Variants in EIF2AK4 observed in about 807,000 individuals in gnomAD.
EIF2AK4 encodes eIF-2-alpha kinase GCN2.
A neutral mutation model predicts 211.1 loss-of-function variants in EIF2AK4; 139 were observed. The observed-to-expected ratio is 0.66, with a 90% confidence interval of 0.57 to 0.76. The LOEUF is 0.76. EIF2AK4 is among the 30% of genes least tolerant of loss of function. EIF2AK4 has a pLI of 0.00. For synonymous variants in EIF2AK4, 710 were observed against 751.3 expected (o/e 0.94, Z 0.90); for missense variants, 1,664 against 2,043.8 (o/e 0.81, Z 3.58).
chr15:39,982,590 C>A (rs2034806755), intron 13 of EIF2AK4, among the ~76,000 whole-genome samples: 1 of 151,354 alleles, frequency 6.6e-6, no homozygotes, highest in Non-Finnish European at 1.5e-5. Context: ...GATACATGTG[C>A]AGAACATGCA....
Position 39,992,638 on chromosome 15 carries a change from C to T in EIF2AK4, c.2687-131C>T, listed in dbSNP as rs1294789394. 4.1e-6 allele frequency: 3 copies of T among 731,224 alleles called. No individual in the cohort carries two copies. In the South Asian group the frequency reaches 5.1e-5, roughly 12 times the overall value. 45.3% of individuals were successfully genotyped at this position (731,224 alleles called of 1,614,324 possible). A position where few individuals can be genotyped will look rare whatever the true frequency, so the allele number is the denominator to read the frequency against. On this transcript the variant is annotated intron_variant, in intron 17 of 38. Transcript: ENST00000263791. ...TTATTCATTTGGTACAATGCATGCT[C>T]TGCTTCCTGTGAGTGGCATAGACAG... is the stretch of plus-strand genomic sequence containing the variant.
At chr15:39,939,695 G>C (rs1405838340) in intron 2 of EIF2AK4, 78 bp downstream of exon 2, 1 of 1,199,626 alleles carries the variant, frequency 8.3e-7, no homozygotes, top group Non-Finnish European at 1.2e-6. Context: ...GAAATTCGTA[G>C]TATTTTCTCC....
intron 1 of EIF2AK4, among the ~76,000 whole-genome samples, chr15:39,938,895 A>G (rs2034104992): frequency 6.6e-6 from 1 of 152,230 alleles, no homozygotes; most frequent in African/African-American, 2.4e-5. Context: ...CCACTTTGGA[A>G]AAAGTGTATC....
At chr15:40,010,494 G>GA (rs1350268519) in intron 26 of EIF2AK4, among the ~76,000 whole-genome samples, 27 of 152,006 alleles carry the variant, frequency 1.8e-4, no homozygotes, top group African/African-American at 6.5e-4. Context: ...GGGACGCATT[G>GA]AAAAAATGAA....
At chr15:40,026,916 A>C (rs977455729) in intron 33 of EIF2AK4, among the ~76,000 whole-genome samples, 1 of 152,220 alleles carries the variant, frequency 6.6e-6, no homozygotes, top group African/African-American at 2.4e-5. Flanking sequence ...AAAGATGTCT[A>C]TCAAGGCTCA....
rs1487404116 is a variant in EIF2AK4, at chr15:39,995,637, A to G, written c.2767-1327A>G. ...CAATTATTTAATAGTTATCTTGATTATTTATATCCTTCTAGTTTTTTGACT... is the reference window on the plus strand; with the variant it reads ...CAATTATTTAATAGTTATCTTGATTGTTTATATCCTTCTAGTTTTTTGACT... On this transcript the variant is annotated intron_variant, in intron 18 of 38. Transcript: ENST00000263791. Among the ~76,000 whole-genome samples, 3 of 151,392 alleles carry G rather than the reference A, an allele frequency of 2.0e-5. No individual in the cohort carries two copies. In the East Asian group the frequency reaches 5.8e-4, roughly 29 times the overall value.
In EIF2AK4 at chr15:39,968,122, G is replaced by A. The variant is rs73388510; in HGVS notation, c.1553+243G>A. On this transcript the variant is annotated intron_variant, in intron 9 of 38. Transcript: ENST00000263791. Reference sequence around the variant, plus strand: ...CACACTTGATTTTCAAACTCCTTTTGGGGGACTGATGGGATACTCTTGGAA... The same window carrying A: ...CACACTTGATTTTCAAACTCCTTTTAGGGGACTGATGGGATACTCTTGGAA... Among the ~76,000 whole-genome samples, 2,726 of 152,216 alleles carry A rather than the reference G, an allele frequency of 0.018. 93 individuals carry two copies. Among genetic ancestry groups the A allele is most frequent in the African/African-American group, 0.062 (2,584 of 41,540 alleles).
chr15:39,952,975 G>A (rs1184837191), intron 4 of EIF2AK4, among the ~76,000 whole-genome samples: 2 of 152,098 alleles, frequency 1.3e-5, no homozygotes, highest in East Asian at 3.9e-4. Context: ...AGCCTCCCGA[G>A]TAGCTGGGAT....
In EIF2AK4 at chr15:39,961,878, G is replaced by A. The variant is rs866031304; in HGVS notation, c.838G>A (p.Val280Met). ...FNMGSPDQLM[V>M]HKGKCIGSDE... ...TATGGGGAGTCCTGATCAGCTCATGGTGCACAAAGGGAAATGTATTGGTGA... is the reference window on the plus strand; with the variant it reads ...TATGGGGAGTCCTGATCAGCTCATGATGCACAAAGGGAAATGTATTGGTGA... Residue 280 changes from valine to methionine, a missense_variant, in exon 7 of 39, where the codon GTG becomes ATG. By Grantham distance (21) the Val-to-Met change is conservative (BLOSUM62 1). Coordinates refer to ENST00000263791, the MANE Select transcript of EIF2AK4 (RefSeq NM_001013703.4). 6.2e-7 allele frequency: 1 copy of A among 1,613,618 alleles called. No homozygotes were observed. The highest frequency in any genetic ancestry group is 8.5e-7 in the Non-Finnish European group (1 of 1,179,836).
chr15:39,959,231 A>G (rs2034433885), intron 6 of EIF2AK4, among the ~76,000 whole-genome samples: 1 of 152,238 alleles, frequency 6.6e-6, no homozygotes, highest in Non-Finnish European at 1.5e-5. Flanking sequence ...GCTGGAGTAC[A>G]GAAGTCGTTT....
intron 19 of EIF2AK4, 142 bp from the exon 20 acceptor site, chr15:39,998,589 C>T (rs772441283): frequency 3.1e-5 from 19 of 613,928 alleles, no homozygotes; most frequent in African/African-American, 1.5e-4. Context: ...GAAGAATAAG[C>T]GTCAGGTTTC....
chr15:39,990,436 TG>T (rs1364574729), intron 16 of EIF2AK4, 59 bp downstream of exon 16: 1 of 1,403,884 alleles, frequency 7.1e-7, no homozygotes, highest in Non-Finnish European at 1.0e-6. Flanking sequence ...TTGATAATCC[TG>T]GAAGTGTTAG....
At chr15:39,996,370 G>T (rs2035018302) in intron 18 of EIF2AK4, among the ~76,000 whole-genome samples, 1 of 152,162 alleles carries the variant, frequency 6.6e-6, no homozygotes, top group Non-Finnish European at 1.5e-5. Flanking sequence ...TCAGCCAGTG[G>T]TTTTCTATGT....
chr15:40,034,518 T>C lies in EIF2AK4; in HGVS notation c.4892+74T>C, dbSNP rs1238447594. On this transcript the variant is annotated intron_variant, in intron 38 of 38. Coordinates refer to ENST00000263791, the MANE Select transcript of EIF2AK4 (RefSeq NM_001013703.4). Reference sequence around the variant, plus strand: ...GCGGGGGGTTTCAGAGTGACATTATTTTGTTGTCTTGTTGAGGTTTGACGC... The same window carrying C: ...GCGGGGGGTTTCAGAGTGACATTATCTTGTTGTCTTGTTGAGGTTTGACGC... 4.2e-6 allele frequency: 5 copies of C among 1,198,196 alleles called. No individual in the cohort carries two copies. The Admixed American group carries it at 9.1e-5, about 22-fold the overall frequency. 74.2% of individuals were successfully genotyped at this position (1,198,196 alleles called of 1,614,324 possible). A position where few individuals can be genotyped will look rare whatever the true frequency, so the allele number is the denominator to read the frequency against.
intron 27 of EIF2AK4, among the ~76,000 whole-genome samples, chr15:40,013,338 G>A (rs1484547569): frequency 2.0e-5 from 3 of 152,012 alleles, no homozygotes; most frequent in African/African-American, 7.2e-5. Context: ...GCAGGCGTGA[G>A]CCATTGCATC....
intron 16 of EIF2AK4, 38 bp from the exon 17 acceptor site, chr15:39,992,137 A>G (rs763104323): frequency 6.4e-7 from 1 of 1,570,680 alleles, no homozygotes; most frequent in East Asian, 2.2e-5. Flanking sequence ...GAATAATATC[A>G]TGTTTTAATT....
chr15:40,007,678 A>T (rs557133213), intron 24 of EIF2AK4, among the ~76,000 whole-genome samples: 1 of 152,358 alleles, frequency 6.6e-6, no homozygotes, highest in South Asian at 2.1e-4. Context: ...AAAGCTCTTT[A>T]CATGCTTTTA....
chr15:40,027,657 G>A (rs996515478), intron 33 of EIF2AK4, among the ~76,000 whole-genome samples: 1 of 152,148 alleles, frequency 6.6e-6, no homozygotes, highest in Non-Finnish European at 1.5e-5. Flanking sequence ...TTGGGAGGCC[G>A]AGAAGGGGGG....
intron 13 of EIF2AK4, among the ~76,000 whole-genome samples, chr15:39,982,226 C>A (rs2034800955): frequency 6.6e-6 from 1 of 152,104 alleles, no homozygotes; most frequent in African/African-American, 2.4e-5. Context: ...GCCCAGCCAT[C>A]ACTTTTAAAT....
Sources: allele counts gnomAD v4.1 joint callset (sites outside exome capture counted in the v4.1 genomes callset), GRCh38; gene constraint gnomAD v4.1.1; transcripts MANE v1.5; gene names NCBI Gene and HGNC (gene_info 2026-07-23, HGNC 2026-07-21).